The following LEMD1 variants were observed in gnomAD, a reference collection of about 807,000 sequenced individuals.
The protein encoded by LEMD1 is LEM domain containing 1.
In LEMD1, 18 loss-of-function variants were observed where a neutral mutation model predicts 17.4. That is an observed-to-expected ratio of 1.04 (90% CI 0.72 to 1.54). LEMD1 has a LOEUF of 1.54. Ranked by LOEUF, LEMD1 falls within the 40% of genes most tolerant of loss-of-function variation. LEMD1 has a pLI of 0.00. For synonymous variants in LEMD1, 88 were observed against 77.8 expected (o/e 1.13, Z -0.69); for missense variants, 195 against 210.4 (o/e 0.93, Z 0.45).
intron 1 of LEMD1, among the ~76,000 whole-genome samples, chr1:205,438,701 G>A (rs1181484531): frequency 1.3e-5 from 2 of 152,132 alleles, no homozygotes; most frequent in Admixed American, 6.5e-5. Flanking sequence ...AGGGGCTGCC[G>A]GCTTGGAGGC....
intron 4 of LEMD1, among the ~76,000 whole-genome samples, chr1:205,413,930 G>C (rs1175581916): frequency 6.6e-6 from 1 of 152,130 alleles, no homozygotes; most frequent in Non-Finnish European, 1.5e-5. Flanking sequence ...AGGACTCACA[G>C]AAGTGGCCAT....
At chr1:205,430,116 GA>G (rs1052885314) in intron 1 of LEMD1, among the ~76,000 whole-genome samples, 5 of 152,258 alleles carry the variant, frequency 3.3e-5, no homozygotes, top group Non-Finnish European at 5.9e-5. Flanking sequence ...GAGCAAGAAA[GA>G]AGCATCCTGA....
intron 4 of LEMD1, among the ~76,000 whole-genome samples, chr1:205,402,714 C>T (rs2102389367): frequency 6.6e-6 from 1 of 150,792 alleles, no homozygotes; most frequent in African/African-American, 2.4e-5. Context: ...CCTAATTGCC[C>T]TGGCCAGAAC....
Position 205,444,380 on chromosome 1 carries a change from C to T in LEMD1, c.-39+5488G>A, listed in dbSNP as rs191383694. ...CTGGGGGCACAGACGATGCCCTGCCCAGCCAGCTTTGTGGGAGCCAAGCAG... is the reference window on the plus strand; with the variant it reads ...CTGGGGGCACAGACGATGCCCTGCCTAGCCAGCTTTGTGGGAGCCAAGCAG... On this transcript the variant is annotated intron_variant, in intron 1 of 3. Transcript: ENST00000367154. Among the ~76,000 whole-genome samples, 48 of 152,182 alleles carry T rather than the reference C, an allele frequency of 3.2e-4. 1 individual carries two copies. The highest frequency in any genetic ancestry group is 3.4e-3 in the Middle Eastern group (1 of 292).
intron 4 of LEMD1, among the ~76,000 whole-genome samples, chr1:205,397,541 T>C (rs1664648555): frequency 6.6e-6 from 1 of 152,184 alleles, no homozygotes; most frequent in Non-Finnish European, 1.5e-5. Flanking sequence ...TGGAGAGCTA[T>C]GATCACACCA....
intron 3 of LEMD1, among the ~76,000 whole-genome samples, chr1:205,418,448 A>G (rs1402556806): frequency 1.3e-5 from 2 of 152,176 alleles, no homozygotes; most frequent in African/African-American, 4.8e-5. Context: ...GAAAGAGACC[A>G]GCTGCTGTCA....
chr1:205,442,372 A>G (rs1666309737), intron 1 of LEMD1, among the ~76,000 whole-genome samples: 1 of 152,236 alleles, frequency 6.6e-6, no homozygotes. Context: ...CACATGTGCA[A>G]AGTGGTTTCA....
chr1:205,420,331 T>C (rs1665902800), intron 2 of LEMD1, 124 bp downstream of exon 2: 2 of 724,336 alleles, frequency 2.8e-6, no homozygotes, highest in Admixed American at 4.8e-5. Flanking sequence ...CTCTTTGTGG[T>C]TTTCTGTTTT....
intron 1 of LEMD1, among the ~76,000 whole-genome samples, chr1:205,443,826 C>T (rs373482753): frequency 4.6e-5 from 7 of 152,174 alleles, no homozygotes; most frequent in African/African-American, 1.7e-4. Flanking sequence ...GAATTCCAAC[C>T]CATTTCCGTA....
chr1:205,410,055 C>A (rs553300644), intron 4 of LEMD1, among the ~76,000 whole-genome samples: 1 of 152,056 alleles, frequency 6.6e-6, no homozygotes, highest in Non-Finnish European at 1.5e-5. Context: ...GGATTACAGG[C>A]GTGAGCCACC....
chr1:205,393,624 C>T (rs1010259676), intron 4 of LEMD1, among the ~76,000 whole-genome samples: 5 of 151,292 alleles, frequency 3.3e-5, no homozygotes, highest in Non-Finnish European at 7.4e-5. Context: ...TGCAGTGAGC[C>T]GAGATCGTGC....
At chr1:205,439,873 A>T (rs1666264889) in intron 1 of LEMD1, among the ~76,000 whole-genome samples, 2 of 151,438 alleles carry the variant, frequency 1.3e-5, no homozygotes, top group African/African-American at 4.9e-5. Context: ...GAAGAAGGAA[A>T]GAGGGAAGGA....
In LEMD1 at chr1:205,419,252, C is replaced by A. The variant is rs376263520; in HGVS notation, c.183G>T (p.Ala61=). The A allele has an allele frequency of 1.2e-6, 2 of 1,614,182 alleles. No individual in the cohort carries two copies. Among genetic ancestry groups the A allele is most frequent in the Non-Finnish European group, 1.7e-6 (2 of 1,180,026 alleles). ...VMNGPRELDG[A]QDSDDSEELN... ...TACCTTCGCTGTCATCACTGTCCTG[C>A]GCTCCATCCAGCTCTCTGGGTCCAT... The change falls in exon 3 of 6, where the codon GCG becomes GCT. Residue 61 remains alanine (A), a synonymous_variant. Coordinates refer to ENST00000367153, the MANE Select transcript of LEMD1 (RefSeq NM_001199050.2).
chr1:205,434,677 T>G (rs75543622), intron 1 of LEMD1, among the ~76,000 whole-genome samples: 282 of 152,260 alleles, frequency 1.9e-3, no homozygotes, highest in African/African-American at 6.4e-3. Context: ...CCAGGAGACC[T>G]GGGGTGTCTC....
chr1:205,407,514 G>A (rs182251288), intron 4 of LEMD1, among the ~76,000 whole-genome samples: 60 of 152,162 alleles, frequency 3.9e-4, no homozygotes, highest in African/African-American at 1.1e-3. Context: ...GTTGGTGAAC[G>A]CATTAAGGTA....
chr1:205,434,534 TA>T (rs1304823858), intron 1 of LEMD1, among the ~76,000 whole-genome samples: 1 of 152,054 alleles, frequency 6.6e-6, no homozygotes. Flanking sequence ...ATTGTAGTCC[TA>T]AACCACCTTC....
chr1:205,404,892 G>T (rs1326351373), intron 4 of LEMD1, among the ~76,000 whole-genome samples: 1 of 151,976 alleles, frequency 6.6e-6, no homozygotes, highest in Non-Finnish European at 1.5e-5. Flanking sequence ...TTTAGGGCAG[G>T]CCTGGTGGTG....
chr1:205,395,191 A>C (rs111846386), intron 4 of LEMD1, among the ~76,000 whole-genome samples: 1 of 152,312 alleles, frequency 6.6e-6, no homozygotes, highest in East Asian at 1.9e-4. Flanking sequence ...GATAGATAAA[A>C]TTGTAAAACA....
At position 205,448,410 on chromosome 1, in the gene LEMD1, C is replaced by T. The variant is rs1428764610; in HGVS notation, c.-39+1458G>A. On this transcript the variant is annotated intron_variant, in intron 1 of 3. Coordinates refer to the LEMD1 transcript ENST00000367154. The surrounding 1 kb of genome is among the most constrained non-coding windows in gnomAD (Gnocchi z 4.7). The stretch of plus-strand genomic sequence containing the variant: ...GCCACAGCAGAGTGGAGGGGTCCAG[C>T]GGCAGGAATCTCATAGGGAAGCGAG... The T allele has an allele frequency of 1.3e-5, 7 of 533,722 alleles. No homozygotes were observed. The highest frequency in any genetic ancestry group is 1.1e-4 in the East Asian group (2 of 18,352). 33.1% of individuals were successfully genotyped at this position (533,722 alleles called of 1,614,324 possible). A position where few individuals can be genotyped will look rare whatever the true frequency, so the allele number is the denominator to read the frequency against.
Sources: gnomAD v4.1 joint callset for allele counts (sites outside exome capture counted in the v4.1 genomes callset) on GRCh38, gnomAD v4.1.1 for gene constraint, Gnocchi (gnomAD v3.1) non-coding constraint, MANE v1.5 for transcripts, NCBI Gene and HGNC (gene_info 2026-07-23, HGNC 2026-07-21) for gene names.